The following SLC39A2 variants were observed in gnomAD, a reference collection of about 807,000 sequenced individuals.
SLC39A2 encodes solute carrier family 39 member 2.
In SLC39A2, 14 loss-of-function variants were observed where a neutral mutation model predicts 18.0. The observed-to-expected ratio is 0.78, with a 90% CI of 0.51 to 1.22. SLC39A2 has a LOEUF of 1.22. Among genes scored for constraint, SLC39A2 ranks in the 50% most tolerant of loss-of-function variants. SLC39A2 has a pLI of 0.00. For synonymous variants in SLC39A2, 152 were observed against 153.1 expected, an observed-to-expected ratio of 0.99 and a Z score of 0.05; for missense variants, 375 against 370.6, an observed-to-expected ratio of 1.01 and a Z score of -0.10.
chr14:21,001,602 G>A lies in SLC39A2; in HGVS notation c.*23G>A. 7.2e-6 allele frequency: 11 copies of A among 1,528,654 alleles called. No individual in the cohort carries two copies. The highest frequency in any genetic ancestry group is 8.8e-6 in the Non-Finnish European group (10 of 1,141,054). 94.7% of individuals were successfully genotyped at this position (1,528,654 alleles called of 1,614,324 possible). A position where few individuals can be genotyped will look rare whatever the true frequency, so the allele number is the denominator to read the frequency against. ...TGAGAGATTCCTGGCTTTTCTGATG[G>A]ACCTATTTAGGACAACCTCTCTATC... On this transcript the variant is annotated 3_prime_UTR_variant, in exon 4 of 4. Transcript: ENST00000298681.
At chr14:20,999,998 G>T (rs893329993) in intron 2 of SLC39A2, 118 bp from the exon 3 acceptor site, 2 of 1,441,170 alleles carry the variant, frequency 1.4e-6, no homozygotes, top group Non-Finnish European at 1.9e-6. Flanking sequence ...GACAGCTCTT[G>T]TGTGGGATGG....
At position 20,999,538 on chromosome 14, in the gene SLC39A2, G is replaced by A; in HGVS notation, c.92G>A (p.Trp31Ter). Residue 31 changes from tryptophan (W) to a stop codon, truncating the protein, a stop_gained, in exon 1 of 4, where the codon TGG becomes TAG. Coordinates refer to ENST00000298681, the MANE Select transcript of SLC39A2 (RefSeq NM_014579.4). LOFTEE classifies it high-confidence loss of function. ...GGCCTTACTCCCATCTGCTTCAAAT[G>A]GTTCCAGATTGATGCAGCCAGAGGT... ...GCGLTPICFK[W>*]FQIDAARGHH... is the part of the protein sequence containing the mutation. 1 of 1,614,010 alleles carries A rather than the reference G, an allele frequency of 6.2e-7. No individual in the cohort carries two copies. The highest frequency in any genetic ancestry group is 8.5e-7 in the Non-Finnish European group (1 of 1,179,922).
chr14:21,001,357 C>T lies in SLC39A2; in HGVS notation c.708C>T (p.Pro236=). ...TACTATTATTAGCTCTCATGTCCCC[C>T]CTGGGCCTAGCCGTAGGGCTGGCTG... is the stretch of plus-strand genomic sequence containing the variant. ...FSILLLALMS[P]LGLAVGLAVT... Residue 236 remains proline, a synonymous_variant, in exon 4 of 4, where the codon CCC becomes CCT. Transcript: ENST00000298681. 6.2e-7 allele frequency: 1 copy of T among 1,614,200 alleles called. No individual in the cohort carries two copies. Among genetic ancestry groups the T allele is most frequent in the Non-Finnish European group, 8.5e-7 (1 of 1,180,024 alleles).
chr14:20,999,662 T>A, intron 1 of SLC39A2, 80 bp from the exon 2 acceptor site: 1 of 1,591,176 alleles, frequency 6.3e-7, no homozygotes, highest in Non-Finnish European at 8.6e-7. Context: ...CTTGGGATAT[T>A]GAGTGCTGCC....
In SLC39A2 at chr14:21,001,087, C is replaced by T; in HGVS notation, c.438C>T (p.Ile146=). 1 of 1,612,626 alleles carries T rather than the reference C, an allele frequency of 6.2e-7. No individual in the cohort carries two copies. The highest frequency in any genetic ancestry group is 8.5e-7 in the Non-Finnish European group (1 of 1,179,100). Residue 146 remains isoleucine, a synonymous_variant, in exon 4 of 4, where the codon ATC becomes ATT. Coordinates refer to ENST00000298681, the MANE Select transcript of SLC39A2 (RefSeq NM_014579.4). ...VQDEEWGGAH[I]FELHSHGHLP... ...ACGAAGAATGGGGTGGGGCTCATAT[C>T]TTCGAACTCCACAGCCATGGACATT... is the stretch of plus-strand genomic sequence containing the variant.
rs376685263 is a variant in SLC39A2, at chr14:20,999,474, G to A, written c.28G>A (p.Gly10Ser). ...GGAGCAACTACTAGGAATAAAACTT[G>A]GCTGCCTGTTTGCCCTGTTGGCTCT... MEQLLGIKL[G>S]CLFALLALTL... Residue 10 changes from glycine to serine, a missense_variant, in exon 1 of 4, where the codon GGC becomes AGC. Coordinates refer to ENST00000298681, the MANE Select transcript of SLC39A2 (RefSeq NM_014579.4). The A allele has an allele frequency of 2.4e-5, 38 of 1,613,946 alleles. No individual in the cohort carries two copies. The highest frequency in any genetic ancestry group is 3.2e-5 in the Non-Finnish European group (38 of 1,180,006).
At chr14:21,000,265 G>A (rs1249836075) in intron 3 of SLC39A2, 99 bp downstream of exon 3, 3 of 836,992 alleles carry the variant, frequency 3.6e-6, no homozygotes, top group Non-Finnish European at 5.9e-6. Context: ...GGAGTACCAA[G>A]AATCCCTTCT....
intron 3 of SLC39A2, among the ~76,000 whole-genome samples, chr14:21,000,570 C>G (rs1479909389): frequency 1.3e-5 from 2 of 152,206 alleles, no homozygotes; most frequent in African/African-American, 4.8e-5. Context: ...CTTCCGAGTT[C>G]TAGTGATTTT....
In SLC39A2 at chr14:21,001,352, T is replaced by A; in HGVS notation, c.703T>A (p.Ser235Thr). The A allele has an allele frequency of 6.2e-7, 1 of 1,614,142 alleles. No homozygotes were observed. The highest frequency in any genetic ancestry group is 8.5e-7 in the Non-Finnish European group (1 of 1,180,010). ...VFSILLLALM[S>T]PLGLAVGLAV... ...CTCCATACTATTATTAGCTCTCATGTCCCCCCTGGGCCTAGCCGTAGGGCT... is the reference window on the plus strand; with the variant it reads ...CTCCATACTATTATTAGCTCTCATGACCCCCCTGGGCCTAGCCGTAGGGCT... The change falls in exon 4 of 4, where the codon TCC becomes ACC. Residue 235 changes from serine to threonine, a missense_variant. Ser to Thr is a moderately conservative substitution (Grantham distance 58, BLOSUM62 1). Coordinates refer to ENST00000298681, the MANE Select transcript of SLC39A2 (RefSeq NM_014579.4).
chr14:20,999,588 A>G (rs1045403516), intron 1 of SLC39A2, 27 bp downstream of exon 1: 3 of 1,600,634 alleles, frequency 1.9e-6, no homozygotes, highest in Non-Finnish European at 2.6e-6. Flanking sequence ...TCTTTGTTCC[A>G]TAGCCTGAGT....
chr14:21,001,063 C>A lies in SLC39A2; in HGVS notation c.414C>A (p.Asp138Glu), dbSNP rs142794092. ...PGAAGGSTVQ[D>E]EEWGGAHIFE... ...CTGCTGGAGGATCGACAGTGCAGGACGAAGAATGGGGTGGGGCTCATATCT... is the reference window on the plus strand; with the variant it reads ...CTGCTGGAGGATCGACAGTGCAGGAAGAAGAATGGGGTGGGGCTCATATCT... Residue 138 changes from aspartate to glutamate, a missense_variant, in exon 4 of 4, where the codon GAC (aspartate) becomes GAA (glutamate). Coordinates refer to ENST00000298681, the MANE Select transcript of SLC39A2 (RefSeq NM_014579.4). The A allele has an allele frequency of 1.2e-6, 2 of 1,607,240 alleles. No homozygotes were observed. Among genetic ancestry groups the A allele is most frequent in the East Asian group, 4.5e-5 (2 of 44,748 alleles).
intron 3 of SLC39A2, among the ~76,000 whole-genome samples, chr14:21,000,647 T>A (rs1880584444): frequency 6.6e-6 from 1 of 152,140 alleles, no homozygotes; most frequent in South Asian, 2.1e-4. Context: ...AGTTTTTGTA[T>A]TTTTAGTAGA....
rs775763552 is a variant in SLC39A2 at position 20,999,525 on chromosome 14, A to G, written c.79A>G (p.Ile27Val). The change falls in exon 1 of 4, where the codon ATC (isoleucine) becomes GTC (valine). Residue 27 changes from isoleucine (I) to valine (V), a missense_variant. By Grantham distance (29) the Ile-to-Val change is conservative. Coordinates refer to ENST00000298681, the MANE Select transcript of SLC39A2 (RefSeq NM_014579.4). ...CACTCTGGGCTGTGGCCTTACTCCC[A>G]TCTGCTTCAAATGGTTCCAGATTGA... is the stretch of plus-strand genomic sequence containing the variant. ...ALTLGCGLTP[I>V]CFKWFQIDAA... 1.2e-6 allele frequency: 2 copies of G among 1,614,150 alleles called. No homozygotes were observed. The highest frequency in any genetic ancestry group is 2.2e-5 in the South Asian group (2 of 91,074).
Position 20,999,903 on chromosome 14 carries a change from A to G in SLC39A2, c.246+31A>G, listed in dbSNP as rs141359346. ...AGCAGAGATTTCAAGCCGCAGGTCT[A>G]TGAGGCCAAAATGATAAACAGGACA... On this transcript the variant is annotated intron_variant, in intron 2 of 3. Transcript: ENST00000298681. 9.9e-6 allele frequency: 16 copies of G among 1,612,796 alleles called. No individual in the cohort carries two copies. The African/African-American group carries it at 1.7e-4, about 17-fold the overall frequency.
rs769611697 is a variant in SLC39A2 at position 21,001,297 on chromosome 14, T to C, written c.648T>C (p.His216=). 2 of 1,614,102 alleles carry C rather than the reference T, an allele frequency of 1.2e-6. No individual in the cohort carries two copies. The highest frequency in any genetic ancestry group is 2.7e-5 in the African/African-American group (2 of 74,928). ...VVFGVGMRLV[H]LGTSSRWAVF... Reference sequence around the variant, plus strand: ...TTGGTGTAGGAATGCGGCTAGTGCATTTAGGTACCAGCTCACGATGGGCAG... The same window carrying C: ...TTGGTGTAGGAATGCGGCTAGTGCACTTAGGTACCAGCTCACGATGGGCAG... Residue 216 remains histidine, a synonymous_variant, in exon 4 of 4, where the codon CAT becomes CAC. Transcript: ENST00000298681.
At chr14:21,000,000 G>A in intron 2 of SLC39A2, 116 bp from the exon 3 acceptor site, 4 of 1,449,324 alleles carry the variant, frequency 2.8e-6, no homozygotes, top group Non-Finnish European at 3.8e-6. Flanking sequence ...CAGCTCTTGT[G>A]TGGGATGGTG....
chr14:21,000,123 C>G lies in SLC39A2; in HGVS notation c.254C>G (p.Ser85Ter). 17 of 1,612,848 alleles carry G rather than the reference C, an allele frequency of 1.1e-5. No homozygotes were observed. The highest frequency in any genetic ancestry group is 1.4e-5 in the Non-Finnish European group (17 of 1,179,258). ...CTGCTGCTTTCTTCTTAGAACAGAT[C>G]AGCAAGTGAGAGAAATTCTTCTGGT... ...QIQKFMVQNR[S>*]ASERNSSGDA... The change falls in exon 3 of 4, where the codon TCA becomes TGA. Residue 85 changes from serine (S) to a stop codon, truncating the protein, a stop_gained. Coordinates refer to ENST00000298681, the MANE Select transcript of SLC39A2 (RefSeq NM_014579.4). LOFTEE classifies it low-confidence loss of function (END_TRUNC).
Position 21,001,015 on chromosome 14 carries a change from G to A in SLC39A2, c.366G>A (p.Leu122=). The change falls in exon 4 of 4, where the codon CTG becomes CTA. Residue 122 remains leucine (L), a synonymous_variant. Transcript: ENST00000298681. ...TTTTTGTCTTCTTTTTGGAGTCGCT[G>A]GCATTGCAGTGCTGTCCTGGGGCTG... The part of the protein sequence containing the change: ...GFFFVFFLES[L]ALQCCPGAAG... 1 of 1,547,604 alleles carries A rather than the reference G, an allele frequency of 6.5e-7. No individual in the cohort carries two copies. Among genetic ancestry groups the A allele is most frequent in the Non-Finnish European group, 8.7e-7 (1 of 1,147,232 alleles).
At chr14:21,000,221 T>C (rs573645746) in intron 3 of SLC39A2, 55 bp downstream of exon 3, 1 of 1,330,242 alleles carries the variant, frequency 7.5e-7, no homozygotes, top group South Asian at 1.2e-5. Flanking sequence ...AGAGAGGCCT[T>C]TCATATCCAG....
Sources: gnomAD v4.1 joint callset for allele counts (sites outside exome capture counted in the v4.1 genomes callset) on GRCh38, gnomAD v4.1.1 for gene constraint, MANE v1.5 for transcripts, NCBI Gene and HGNC (gene_info 2026-07-23, HGNC 2026-07-21) for gene names.